The following GRIN2A variants were observed in gnomAD, a reference collection of about 807,000 sequenced individuals.
GRIN2A encodes the protein glutamate receptor ionotropic, NMDA 2A.
A neutral mutation model predicts 113.4 loss-of-function variants in GRIN2A; 22 were observed. The ratio of observed to expected loss-of-function variants is 0.19; its 90% CI spans 0.14 to 0.28. The LOEUF (loss-of-function observed/expected upper bound fraction) is 0.28, where lower values mean the gene tolerates loss of function less well. GRIN2A is among the 10% of genes least tolerant of loss of function. The pLI is 1.00. For synonymous variants in GRIN2A, 827 were observed against 738.4 expected (o/e 1.12, Z -1.94); for missense variants, 1,502 against 1,887.0 (o/e 0.80, Z 3.78).
intron 2 of GRIN2A, among the ~76,000 whole-genome samples, chr16:10,159,092 C>A (rs1479080462): frequency 2.0e-5 from 3 of 152,068 alleles, no homozygotes; most frequent in Non-Finnish European, 4.4e-5. Context: ...GCAGTGTCAC[C>A]AAAAATAAGC....
intron 10 of GRIN2A, among the ~76,000 whole-genome samples, chr16:9,804,076 A>G (rs1033093535): frequency 2.6e-5 from 4 of 152,196 alleles, no homozygotes; most frequent in Admixed American, 1.3e-4. Flanking sequence ...TGCCCCTAAC[A>G]TAGTCTACTC....
At chr16:9,939,475 G>A (rs2044805043) in intron 2 of GRIN2A, among the ~76,000 whole-genome samples, 1 of 152,122 alleles carries the variant, frequency 6.6e-6, no homozygotes, top group African/African-American at 2.4e-5. Flanking sequence ...ACTTATGTCA[G>A]GTTAAAGGGC....
intron 10 of GRIN2A, among the ~76,000 whole-genome samples, chr16:9,798,901 A>T (rs1443760536): frequency 6.6e-6 from 1 of 152,268 alleles, no homozygotes; most frequent in Non-Finnish European, 1.5e-5. Flanking sequence ...AAAGAAATAC[A>T]TGTGCTGCTT....
At chr16:10,161,914 G>C (rs2049816323) in intron 2 of GRIN2A, among the ~76,000 whole-genome samples, 1 of 152,098 alleles carries the variant, frequency 6.6e-6, no homozygotes, top group African/African-American at 2.4e-5. Flanking sequence ...CTTTCATAAG[G>C]AATGATTATA....
At chr16:9,779,367 T>C (rs978560480) in intron 11 of GRIN2A, among the ~76,000 whole-genome samples, 1 of 152,240 alleles carries the variant, frequency 6.6e-6, no homozygotes, top group Admixed American at 6.5e-5. Flanking sequence ...TTTATCGAAG[T>C]GTTGTCAACA....
At chr16:10,002,493 G>A (rs1009897698) in intron 2 of GRIN2A, among the ~76,000 whole-genome samples, 2 of 152,206 alleles carry the variant, frequency 1.3e-5, no homozygotes, top group African/African-American at 2.4e-5. Context: ...CGGATTAGGT[G>A]GGTAAGAGAA....
chr16:9,869,045 T>C (rs1244568945), intron 4 of GRIN2A, among the ~76,000 whole-genome samples: 2 of 152,154 alleles, frequency 1.3e-5, no homozygotes, highest in African/African-American at 2.4e-5. Flanking sequence ...TCTGCCCCAG[T>C]GGACTCATTG....
At chr16:9,917,969 A>G (rs1442413580) in intron 3 of GRIN2A, among the ~76,000 whole-genome samples, 1 of 152,168 alleles carries the variant, frequency 6.6e-6, no homozygotes, top group Non-Finnish European at 1.5e-5. Context: ...TCTAGGTGGC[A>G]TTTTTTGTTC....
intron 2 of GRIN2A, among the ~76,000 whole-genome samples, chr16:10,122,063 G>A (rs1448794794): frequency 6.6e-6 from 1 of 152,188 alleles, no homozygotes; most frequent in East Asian, 1.9e-4. Flanking sequence ...GGATCCCACT[G>A]AAGTTTATTC....
chr16:9,892,946 AAAAAG>A (rs2043725864), intron 3 of GRIN2A, among the ~76,000 whole-genome samples: 2 of 144,588 alleles, frequency 1.4e-5, no homozygotes, highest in African/African-American at 5.5e-5. Context: ...AAAAAAAAAA[AAAAAG>A]AAGAAGAAGA....
chr16:9,822,103 A>G (rs2042295936), intron 10 of GRIN2A, among the ~76,000 whole-genome samples, 161 bp downstream of exon 10: 1 of 152,196 alleles, frequency 6.6e-6, no homozygotes, highest in African/African-American at 2.4e-5. Flanking sequence ...TGGGATGCTC[A>G]TTAGATTAAC....
At chr16:9,818,184 A>G (rs1200628786) in intron 10 of GRIN2A, among the ~76,000 whole-genome samples, 1 of 152,044 alleles carries the variant, frequency 6.6e-6, no homozygotes, top group Admixed American at 6.6e-5. Flanking sequence ...CACCTGAAAG[A>G]CCGCAGTCTC....
intron 2 of GRIN2A, among the ~76,000 whole-genome samples, chr16:9,992,330 T>C (rs1442935296): frequency 6.6e-6 from 1 of 152,164 alleles, no homozygotes; most frequent in Non-Finnish European, 1.5e-5. Context: ...ATAAGTCTAT[T>C]GTCTCTCAAG....
intron 2 of GRIN2A, among the ~76,000 whole-genome samples, chr16:9,949,589 C>A (rs530806022): frequency 1.3e-5 from 2 of 150,292 alleles, no homozygotes; most frequent in Non-Finnish European, 3.0e-5. Flanking sequence ...AATGGATAGA[C>A]GGACAGATGG....
chr16:9,973,850 T>C (rs886830004), intron 2 of GRIN2A, among the ~76,000 whole-genome samples: 2 of 152,062 alleles, frequency 1.3e-5, no homozygotes, highest in African/African-American at 4.8e-5. Flanking sequence ...AATTAAAGAC[T>C]TTTCAGATAA....
At chr16:9,789,297 CCAG>C (rs1223320269) in intron 11 of GRIN2A, among the ~76,000 whole-genome samples, 1 of 152,090 alleles carries the variant, frequency 6.6e-6, no homozygotes, top group African/African-American at 2.4e-5. Flanking sequence ...TCATCATAAA[CCAG>C]CAGACTAAAG....
At chr16:10,148,426 A>G (rs1313230061) in intron 2 of GRIN2A, among the ~76,000 whole-genome samples, 2 of 152,228 alleles carry the variant, frequency 1.3e-5, no homozygotes, top group Non-Finnish European at 2.9e-5. Context: ...CAAATATAAA[A>G]GAGTGGAGCA....
chr16:10,065,431 C>G (rs1053472406), intron 2 of GRIN2A, among the ~76,000 whole-genome samples: 7 of 152,230 alleles, frequency 4.6e-5, no homozygotes, highest in Admixed American at 1.3e-4. Flanking sequence ...AGTCTCTCAA[C>G]TTCAGGTTAA....
At chr16:10,111,363 C>T (rs903947891) in intron 2 of GRIN2A, 12 of 437,836 alleles carry the variant, frequency 2.7e-5, no homozygotes, top group South Asian at 4.1e-5. Context: ...TTTGTCGCTT[C>T]GCGGGGCCTT....
Sources: allele counts gnomAD v4.1 joint callset (sites outside exome capture counted in the v4.1 genomes callset), GRCh38; gene constraint gnomAD v4.1.1; transcripts MANE v1.5; gene names NCBI Gene and HGNC (gene_info 2026-07-23, HGNC 2026-07-21).